The following BICD1 variants were observed in gnomAD, a reference collection of about 807,000 sequenced individuals.
BICD1 encodes BICD cargo adaptor 1.
A neutral mutation model predicts 92.5 loss-of-function variants in BICD1; 35 were observed. The observed-to-expected ratio is 0.38, with a 90% CI of 0.29 to 0.50. BICD1 has a LOEUF of 0.50. Among genes scored for constraint, BICD1 ranks in the 20% least tolerant of loss-of-function variants. BICD1 has a pLI of 0.93. For missense variants in BICD1, 950 were observed against 1,189.8 expected (o/e 0.80, Z 2.97); for synonymous variants, 429 against 465.1 (o/e 0.92, Z 1.00).
intron 1 of BICD1, among the ~76,000 whole-genome samples, chr12:32,127,831 C>T (rs1361718506): frequency 6.6e-6 from 1 of 152,012 alleles, no homozygotes; most frequent in South Asian, 2.1e-4. Flanking sequence ...ATAAGCAAAG[C>T]AGACAAGCTC....
intron 1 of BICD1, among the ~76,000 whole-genome samples, chr12:32,187,855 T>C (rs1944462419): frequency 6.6e-6 from 1 of 152,172 alleles, no homozygotes; most frequent in Non-Finnish European, 1.5e-5. Flanking sequence ...AACCTGCACA[T>C]GTACCCCTGA....
At position 32,107,031 on chromosome 12, in the gene BICD1, G is replaced by A. The variant is rs1181618607; in HGVS notation, c.-301G>A. The A allele has an allele frequency of 5.7e-6, 2 of 350,654 alleles. No individual in the cohort carries two copies. Among genetic ancestry groups the A allele is most frequent in the Non-Finnish European group, 1.0e-5 (2 of 191,378 alleles). The allele number at this position is 350,654 out of a possible 1,614,324, so 21.7% of individuals were successfully genotyped here. A position where few individuals can be genotyped will look rare whatever the true frequency, so the allele number is the denominator to read the frequency against. ...GCTACCCGCGGCCGCCGCAGCCCGG[G>A]CCATGCCGCACGGCTGCTGACCGCA... On this transcript the variant is annotated 5_prime_UTR_variant, in exon 1 of 10. Coordinates refer to ENST00000652176, the MANE Select transcript of BICD1 (RefSeq NM_001714.4).
intron 5 of BICD1, among the ~76,000 whole-genome samples, chr12:32,331,060 G>A (rs7974653): frequency 0.22 from 33,487 of 151,802 alleles, 4,187 homozygotes; most frequent in East Asian, 0.6. Context: ...CTTGAACCCC[G>A]GGGGGCGGAG....
At chr12:32,256,250 A>G (rs1316202164) in intron 2 of BICD1, among the ~76,000 whole-genome samples, 1 of 152,150 alleles carries the variant, frequency 6.6e-6, no homozygotes, top group Non-Finnish European at 1.5e-5. Flanking sequence ...GGTTTTTGCT[A>G]TGTTGCCCAG....
intron 1 of BICD1, among the ~76,000 whole-genome samples, chr12:32,135,111 C>T (rs1294570339): frequency 1.5e-4 from 14 of 92,014 alleles, no homozygotes; most frequent in Admixed American, 6.6e-4. Context: ...TTTTATGAGA[C>T]GGAGTCTCAC....
chr12:32,249,463 T>C (rs179104), intron 2 of BICD1, among the ~76,000 whole-genome samples: 65,164 of 151,998 alleles, frequency 0.43, 14,190 homozygotes, highest in Non-Finnish European at 0.47. Context: ...TTTTCCCCCT[T>C]ACCTAGAATG....
intron 2 of BICD1, among the ~76,000 whole-genome samples, chr12:32,290,473 T>C (rs372469280): frequency 1.3e-5 from 2 of 152,224 alleles, no homozygotes; most frequent in Non-Finnish European, 2.9e-5. Flanking sequence ...CTGCAGTTCA[T>C]GACTGTGAGG....
intron 1 of BICD1, among the ~76,000 whole-genome samples, chr12:32,134,325 C>T (rs1798255): frequency 0.41 from 61,914 of 151,932 alleles, 13,461 homozygotes; most frequent in African/African-American, 0.53. Context: ...GGCAAGTGTG[C>T]TAGTCCAAGT....
intron 2 of BICD1, among the ~76,000 whole-genome samples, chr12:32,246,507 G>A (rs1482929203): frequency 2.0e-5 from 3 of 152,048 alleles, no homozygotes; most frequent in Non-Finnish European, 4.4e-5. Context: ...ACATGGTGCC[G>A]TGTGCCTATA....
chr12:32,229,765 G>A (rs1438119599), intron 2 of BICD1, among the ~76,000 whole-genome samples: 2 of 152,160 alleles, frequency 1.3e-5, no homozygotes, highest in Non-Finnish European at 2.9e-5. Flanking sequence ...GGACGAGATG[G>A]GCTCACGTGC....
intron 6 of BICD1, among the ~76,000 whole-genome samples, chr12:32,335,122 T>G (rs1483536928): frequency 2.0e-5 from 3 of 152,014 alleles, no homozygotes; most frequent in Non-Finnish European, 4.4e-5. Context: ...ATAATGAAGA[T>G]TAATAATCAT....
chr12:32,177,668 G>A (rs1229471442), intron 1 of BICD1, among the ~76,000 whole-genome samples: 43 of 115,732 alleles, frequency 3.7e-4, no homozygotes, highest in Admixed American at 3.1e-3. Context: ...AGGAAACAGG[G>A]ATAAAGAAAA....
At chr12:32,169,480 T>A (rs539784318) in intron 1 of BICD1, among the ~76,000 whole-genome samples, 2 of 152,108 alleles carry the variant, frequency 1.3e-5, no homozygotes, top group African/African-American at 4.8e-5. Flanking sequence ...CTCTCTGCTA[T>A]GTTGCCCAGG....
chr12:32,337,695 G>A lies in BICD1; in HGVS notation c.2449G>A (p.Gly817Ser), dbSNP rs201830478. The change falls in exon 7 of 10, where the codon GGC (glycine) becomes AGC (serine). Residue 817 changes from glycine (G) to serine (S), a missense_variant. Transcript: ENST00000652176. The surrounding 1 kb of genome is among the most constrained non-coding windows in gnomAD (Gnocchi z 4.7). Reference protein sequence around the residue: ...SKGKLGKSKIGSPKVSGEASV... With the variant: ...SKGKLGKSKISSPKVSGEASV... The stretch of plus-strand genomic sequence containing the variant: ...AGGCAAACTTGGAAAGAGCAAGATC[G>A]GCAGCCCTAAAGTAAGTGGGGAGGC... 139 of 1,614,028 alleles carry A rather than the reference G, an allele frequency of 8.6e-5. No individual in the cohort carries two copies. The highest frequency in any genetic ancestry group is 1.1e-4 in the Non-Finnish European group (132 of 1,180,038).
At chr12:32,243,601 C>T (rs1946296702) in intron 2 of BICD1, among the ~76,000 whole-genome samples, 1 of 151,902 alleles carries the variant, frequency 6.6e-6, no homozygotes. Context: ...TTTTCTTAAT[C>T]GTTTTCTATG....
At chr12:32,250,735 C>T (rs140395032) in intron 2 of BICD1, among the ~76,000 whole-genome samples, 7,165 of 152,194 alleles carry the variant, frequency 0.047, 272 homozygotes, top group East Asian at 0.19. Flanking sequence ...AATCCTAGCA[C>T]TTTGGGAGGC....
intron 8 of BICD1, among the ~76,000 whole-genome samples, chr12:32,356,632 CA>C (rs146552935): frequency 0.074 from 10,710 of 144,224 alleles, 1,243 homozygotes; most frequent in African/African-American, 0.25. Flanking sequence ...GACTCCATCT[CA>C]AAAAAAAAAG....
rs140410183 is a variant in BICD1 at position 32,248,957 on chromosome 12, A to C, written c.426+32498A>C. Among the ~76,000 whole-genome samples, 67 of 152,304 alleles carry C rather than the reference A, an allele frequency of 4.4e-4. No homozygotes were observed. In the East Asian group the frequency reaches 0.011, roughly 25 times the overall value. ...CATATTGATTTACTTCCCTTACTGCACATGTGTTAAGGAATGGAATTTTCC... is the reference window on the plus strand; with the variant it reads ...CATATTGATTTACTTCCCTTACTGCCCATGTGTTAAGGAATGGAATTTTCC... On this transcript the variant is annotated intron_variant, in intron 2 of 9. Coordinates refer to ENST00000652176, the MANE Select transcript of BICD1 (RefSeq NM_001714.4).
At chr12:32,260,840 C>G (rs1017991479) in intron 2 of BICD1, among the ~76,000 whole-genome samples, 33 of 152,186 alleles carry the variant, frequency 2.2e-4, no homozygotes, top group African/African-American at 7.0e-4. Context: ...TGTGGGTGAG[C>G]AGCATCTGCT....
Sources: gnomAD v4.1 joint callset for allele counts (sites outside exome capture counted in the v4.1 genomes callset) on GRCh38, gnomAD v4.1.1 for gene constraint, Gnocchi (gnomAD v3.1) non-coding constraint, MANE v1.5 for transcripts, NCBI Gene and HGNC (gene_info 2026-07-23, HGNC 2026-07-21) for gene names.